The following ANK3 variants were observed in gnomAD, a reference collection of about 807,000 sequenced individuals.
ANK3 encodes ankyrin-3.
A neutral mutation model predicts 370.9 loss-of-function variants in ANK3; 57 were observed. That is an observed-to-expected ratio of 0.15 (90% CI 0.12 to 0.19). ANK3 has a LOEUF of 0.19. Ranked by LOEUF, ANK3 falls within the 10% of genes least tolerant of loss-of-function variation. ANK3 has a pLI of 1.00. For missense variants in ANK3, 4,439 were observed against 5,302.1 expected (o/e 0.84, Z 5.06); for synonymous variants, 1,929 against 1,946.3 (o/e 0.99, Z 0.23).
rs75755891 is a variant in ANK3, at chr10:60,274,792, C to T, written c.414+3982G>A. 1.2e-3 allele frequency among the ~76,000 whole-genome samples: 186 copies of T among 152,294 alleles called. 1 individual carries two copies. Among genetic ancestry groups the T allele is most frequent in the African/African-American group, 4.4e-3 (184 of 41,562 alleles). On this transcript the variant is annotated intron_variant, in intron 4 of 43. Coordinates refer to ENST00000280772, the MANE Select transcript of ANK3 (RefSeq NM_020987.5). ...CCCTCTTGTGCTTAAGTTAGTTTCT[C>T]TCCCTGTAATTCAAGTAACACCCCA...
chr10:60,339,241 A>G lies in ANK3; in HGVS notation c.114+50184T>C, dbSNP rs936116722. On this transcript the variant is annotated intron_variant, in intron 1 of 43. Transcript: ENST00000280772. ...TGCGATGAAAATGCAATCTACTCAG[A>G]GGCCAATCATATTTCTGGATTGTGG... 2.0e-5 allele frequency among the ~76,000 whole-genome samples: 3 copies of G among 152,220 alleles called. No individual in the cohort carries two copies. In the East Asian group the frequency reaches 5.8e-4, roughly 29 times the overall value.
chr10:60,322,894 G>A lies in ANK3; in HGVS notation c.115-43255C>T, dbSNP rs115095497. Among the ~76,000 whole-genome samples the A allele has an allele frequency of 1.8e-3, 270 of 152,292 alleles. 1 individual carries two copies. The highest frequency in any genetic ancestry group is 5.9e-3 in the African/African-American group (247 of 41,538). ...AGGTGTGAGCACAGATTTCTGACCT[G>A]TAACTGGAAGAAGTTCTTCATTTAC... On this transcript the variant is annotated intron_variant, in intron 1 of 43. Coordinates refer to ENST00000280772, the MANE Select transcript of ANK3 (RefSeq NM_020987.5).
rs751038169 is a variant in ANK3 at position 60,076,304 on chromosome 10, C to T, written c.4577G>A (p.Ser1526Asn). Residue 1526 changes from serine (S) to asparagine (N), a missense_variant, in exon 37 of 44, where the codon AGT (serine) becomes AAT (asparagine). Physicochemically the swap from Ser to Asn is conservative, Grantham distance 46 (BLOSUM62 1). This residue lies in a region of ANK3 where 679 missense variants were observed against 791.0 expected (regional missense o/e 0.86). Coordinates refer to ENST00000280772, the MANE Select transcript of ANK3 (RefSeq NM_020987.5). Reference sequence around the variant, plus strand: ...AGCTGATGGCGTATTAGAGGAAGAACTTGATAAGGAAGTGAAGCCTGACTT... The same window carrying T: ...AGCTGATGGCGTATTAGAGGAAGAATTTGATAAGGAAGTGAAGCCTGACTT... ...PAKSGFTSLSSSSSNTPSASP... is the reference protein window; with the variant it reads ...PAKSGFTSLSNSSSNTPSASP... 6.2e-7 allele frequency: 1 copy of T among 1,614,054 alleles called. No homozygotes were observed. Among genetic ancestry groups the T allele is most frequent in the Non-Finnish European group, 8.5e-7 (1 of 1,179,962 alleles).
chr10:60,389,008 A>G (rs1188806628), intron 1 of ANK3, among the ~76,000 whole-genome samples: 1 of 152,166 alleles, frequency 6.6e-6, no homozygotes, highest in Non-Finnish European at 1.5e-5. Flanking sequence ...TTCCAGCACA[A>G]AAGCTCTTTT....
At chr10:60,283,386 A>G (rs1205035667) in intron 1 of ANK3, among the ~76,000 whole-genome samples, 2 of 152,084 alleles carry the variant, frequency 1.3e-5, no homozygotes, top group East Asian at 3.9e-4. Context: ...TTTTGATGCT[A>G]TATCTAAGAT....
chr10:60,345,008 A>G (rs2055108518), intron 1 of ANK3, among the ~76,000 whole-genome samples: 1 of 152,150 alleles, frequency 6.6e-6, no homozygotes, highest in Admixed American at 6.5e-5. Context: ...GCCCAGGTCC[A>G]TGGGTTTGCT....
rs369298438 is a variant in ANK3, at chr10:60,726,557, C to G, written c.57+6706G>C. Among the ~76,000 whole-genome samples the G allele has an allele frequency of 5.3e-5, 8 of 152,274 alleles. No homozygotes were observed. The East Asian group carries it at 9.6e-4, about 18-fold the overall frequency. On this transcript the variant is annotated intron_variant, in intron 1 of 43. Transcript: ENST00000373827. ...TTTTAAAGATGTGGAAGCTGAGATT[C>G]AGTTTACCAAGGTCATGCAGTTGCT...
At chr10:60,573,794 T>C (rs2077647438) in intron 2 of ANK3, among the ~76,000 whole-genome samples, 1 of 152,034 alleles carries the variant, frequency 6.6e-6, no homozygotes, top group Non-Finnish European at 1.5e-5. Flanking sequence ...AGCAGATAAC[T>C]GACAGAAGTA....
intron 7 of ANK3, among the ~76,000 whole-genome samples, chr10:60,241,672 T>C (rs539595219): frequency 1.3e-5 from 2 of 152,256 alleles, no homozygotes; most frequent in South Asian, 2.1e-4. Flanking sequence ...TTAACTTAAC[T>C]TTCCCATCAA....
At chr10:60,053,823 A>G (rs1269450382) in intron 42 of ANK3, 1 of 997,146 alleles carries the variant, frequency 1.0e-6, no homozygotes, top group East Asian at 6.3e-5. Context: ...GCCACAAACG[A>G]TACATCCTAA....
At chr10:60,409,416 A>T (rs1250838176) in intron 2 of ANK3, among the ~76,000 whole-genome samples, 1 of 152,232 alleles carries the variant, frequency 6.6e-6, no homozygotes, top group African/African-American at 2.4e-5. Flanking sequence ...CTATGTGGGT[A>T]TCATTTGTTT....
intron 1 of ANK3, among the ~76,000 whole-genome samples, chr10:60,388,510 A>G (rs555818209): frequency 6.6e-6 from 1 of 152,322 alleles, no homozygotes; most frequent in Admixed American, 6.5e-5. Context: ...TATTCAGATC[A>G]CAGAGTTTTA....
chr10:60,119,952 TA>T (rs916856940), intron 25 of ANK3, among the ~76,000 whole-genome samples: 2 of 150,954 alleles, frequency 1.3e-5, no homozygotes, highest in Admixed American at 6.6e-5. Flanking sequence ...CACAGAAATT[TA>T]AAAAAAAATC....
chr10:60,630,073 C>T (rs2078461604), intron 1 of ANK3, among the ~76,000 whole-genome samples: 1 of 152,064 alleles, frequency 6.6e-6, no homozygotes, highest in Admixed American at 6.6e-5. Flanking sequence ...ATTTAAAGGA[C>T]ATTAAAGACT....
intron 9 of ANK3, 105 bp downstream of exon 9, chr10:60,213,307 G>T: frequency 1.3e-6 from 1 of 744,912 alleles, no homozygotes; most frequent in Non-Finnish European, 2.2e-6. Flanking sequence ...TAACTACTCT[G>T]ACTGCTACAT....
chr10:60,702,119 A>T (rs1158035525), intron 1 of ANK3, among the ~76,000 whole-genome samples: 1 of 152,044 alleles, frequency 6.6e-6, no homozygotes, highest in Admixed American at 6.6e-5. Context: ...TAAAGAAATT[A>T]GTCAGGTGGG....
chr10:60,281,908 A>C (rs1032686012), intron 1 of ANK3, among the ~76,000 whole-genome samples: 1 of 152,238 alleles, frequency 6.6e-6, no homozygotes, highest in African/African-American at 2.4e-5. Context: ...AGCAGATGAC[A>C]AAAGATAAAA....
rs113782070 is a variant in ANK3, at chr10:60,251,853, C to T, written c.798+10006G>A. On this transcript the variant is annotated intron_variant, in intron 7 of 43. Coordinates refer to ENST00000280772, the MANE Select transcript of ANK3 (RefSeq NM_020987.5). The stretch of plus-strand genomic sequence containing the variant: ...TCTACCTGCAGGATCAAGGCCAGTG[C>T]CTACAGCCCAGGCTGGTATTCACTG... 6.6e-3 allele frequency among the ~76,000 whole-genome samples: 1,004 copies of T among 152,326 alleles called. 11 individuals are homozygous for T. Among genetic ancestry groups the T allele is most frequent in the African/African-American group, 0.023 (961 of 41,562 alleles).
intron 1 of ANK3, among the ~76,000 whole-genome samples, chr10:60,617,691 T>C (rs1041671325): frequency 6.6e-6 from 1 of 152,214 alleles, no homozygotes; most frequent in Non-Finnish European, 1.5e-5. Flanking sequence ...ATAAACTTTA[T>C]AGAGCACACA....
Sources: gnomAD v4.1 joint callset for allele counts (sites outside exome capture counted in the v4.1 genomes callset) on GRCh38, gnomAD v4.1.1 for gene constraint, gnomAD v4.1.1 regional missense constraint, MANE v1.5 for transcripts, NCBI Gene and HGNC (gene_info 2026-07-23, HGNC 2026-07-21) for gene names.